The following CLIC4 variants were observed in gnomAD, a reference collection of about 807,000 sequenced individuals.
The protein encoded by CLIC4 is CLIC family member 4.
In CLIC4, 13 loss-of-function variants were observed where a neutral mutation model predicts 24.6. That is an observed-to-expected ratio of 0.53 (90% CI 0.34 to 0.84). The LOEUF (loss-of-function observed/expected upper bound fraction) is 0.84, where lower values mean the gene tolerates loss of function less well. Among genes scored for constraint, CLIC4 ranks in the 40% least tolerant of loss-of-function variants. The pLI is 0.01. For synonymous variants in CLIC4, 104 were observed against 111.3 expected (o/e 0.93, Z 0.41); for missense variants, 227 against 301.7 (o/e 0.75, Z 1.83).
At chr1:24,769,448 G>C (rs1214288378) in intron 1 of CLIC4, among the ~76,000 whole-genome samples, 1 of 152,190 alleles carries the variant, frequency 6.6e-6, no homozygotes, top group Non-Finnish European at 1.5e-5. Flanking sequence ...ATGAGAATTA[G>C]AGAGATCATT....
intron 1 of CLIC4, chr1:24,777,852 A>G (rs1416717447): frequency 6.6e-6 from 1 of 152,206 alleles, no homozygotes; most frequent in African/African-American, 2.4e-5. Context: ...ATTTAATCAC[A>G]CTTGTTTCTT....
intron 1 of CLIC4, among the ~76,000 whole-genome samples, chr1:24,772,067 G>A (rs2124102562): frequency 6.6e-6 from 1 of 152,248 alleles, no homozygotes; most frequent in Middle Eastern, 3.4e-3. Context: ...AACAAAAATA[G>A]AGCCAATACA....
At chr1:24,746,102 A>G (rs1021132944) in intron 1 of CLIC4, among the ~76,000 whole-genome samples, 6 of 152,132 alleles carry the variant, frequency 3.9e-5, no homozygotes, top group African/African-American at 1.4e-4. Context: ...CGCGTTTTTG[A>G]AAAAGCATTT....
intron 4 of CLIC4, among the ~76,000 whole-genome samples, chr1:24,839,558 C>T (rs1386694387): frequency 2.0e-5 from 3 of 152,202 alleles, no homozygotes; most frequent in Admixed American, 1.3e-4. Context: ...CTCGGCCTCC[C>T]AAAGTGCTGG....
chr1:24,779,650 A>C (rs1317838995), intron 1 of CLIC4, among the ~76,000 whole-genome samples: 1 of 152,098 alleles, frequency 6.6e-6, no homozygotes, highest in Admixed American at 6.6e-5. Context: ...ATCCTCTAGC[A>C]AAGTATAGGC....
At chr1:24,814,770 A>G (rs932920564) in intron 3 of CLIC4, among the ~76,000 whole-genome samples, 7 of 152,274 alleles carry the variant, frequency 4.6e-5, no homozygotes, top group African/African-American at 1.7e-4. Flanking sequence ...ATAGTTACCT[A>G]AATTGCAGAT....
chr1:24,748,866 C>T (rs748781133), intron 1 of CLIC4, among the ~76,000 whole-genome samples: 8 of 152,038 alleles, frequency 5.3e-5, no homozygotes, highest in Non-Finnish European at 1.0e-4. Flanking sequence ...TTCTTGATCT[C>T]TTCTCAAAAC....
chr1:24,757,194 C>T (rs1638863608), intron 1 of CLIC4, among the ~76,000 whole-genome samples: 1 of 152,072 alleles, frequency 6.6e-6, no homozygotes, highest in Non-Finnish European at 1.5e-5. Context: ...CACGCCTGGC[C>T]TAGTTTTTGT....
At chr1:24,784,054 G>A (rs1393816794) in intron 1 of CLIC4, among the ~76,000 whole-genome samples, 1 of 127,192 alleles carries the variant, frequency 7.9e-6, no homozygotes, top group Non-Finnish European at 1.7e-5. Flanking sequence ...CCCAGATTTT[G>A]TTTATCTTCA....
chr1:24,809,422 C>G (rs1369740228), intron 2 of CLIC4, among the ~76,000 whole-genome samples: 1 of 152,092 alleles, frequency 6.6e-6, no homozygotes, highest in Admixed American at 6.6e-5. Context: ...TTTGATTCCC[C>G]TCTATCTTGA....
At chr1:24,824,275 C>CT (rs1009077805) in intron 3 of CLIC4, among the ~76,000 whole-genome samples, 21 of 148,406 alleles carry the variant, frequency 1.4e-4, no homozygotes, top group Admixed American at 2.0e-4. Flanking sequence ...TTTGTCAATA[C>CT]TTTTTTTTTT....
intron 2 of CLIC4, among the ~76,000 whole-genome samples, chr1:24,805,099 A>AAC (rs1401068923): frequency 2.1e-5 from 3 of 144,490 alleles, no homozygotes; most frequent in East Asian, 2.0e-4. Flanking sequence ...AAAAAAAAAA[A>AAC]AAAAAACACA....
At chr1:24,751,473 TAG>T (rs1320025174) in intron 1 of CLIC4, among the ~76,000 whole-genome samples, 2 of 95,798 alleles carry the variant, frequency 2.1e-5, no homozygotes, top group East Asian at 2.5e-4. Context: ...ACTCCTGACC[TAG>T]TGATCCACCC....
chr1:24,822,639 ACTT>A (rs1639747185), intron 3 of CLIC4, among the ~76,000 whole-genome samples: 1 of 152,062 alleles, frequency 6.6e-6, no homozygotes. Context: ...GCCTGCCCTT[ACTT>A]AATTCAGTGA....
intron 4 of CLIC4, among the ~76,000 whole-genome samples, chr1:24,839,336 T>G (rs970234995): frequency 4.6e-5 from 7 of 152,258 alleles, no homozygotes; most frequent in African/African-American, 1.4e-4. Flanking sequence ...GTCTCGCTCT[T>G]TCGCCCAGGC....
intron 1 of CLIC4, among the ~76,000 whole-genome samples, chr1:24,791,985 G>A (rs777611994): frequency 2.0e-5 from 3 of 150,076 alleles, no homozygotes; most frequent in Non-Finnish European, 4.4e-5. Flanking sequence ...GGAGGTAGAG[G>A]TTGCAATGAG....
At chr1:24,818,351 A>G (rs1346523040) in intron 3 of CLIC4, among the ~76,000 whole-genome samples, 3 of 152,078 alleles carry the variant, frequency 2.0e-5, no homozygotes, top group South Asian at 2.1e-4. Flanking sequence ...CAGTGGCACA[A>G]TCTTGGCTCA....
chr1:24,796,740 T>G (rs1639407861), intron 1 of CLIC4, among the ~76,000 whole-genome samples: 1 of 152,014 alleles, frequency 6.6e-6, no homozygotes, highest in Non-Finnish European at 1.5e-5. Flanking sequence ...TCAGAATGTG[T>G]CCCTGTCAGT....
intron 3 of CLIC4, among the ~76,000 whole-genome samples, chr1:24,821,788 T>C (rs912423076): frequency 1.3e-5 from 2 of 152,156 alleles, no homozygotes; most frequent in Admixed American, 1.3e-4. Context: ...CTCGCCGTGT[T>C]ACCCAAGCTG....
Sources: allele counts gnomAD v4.1 joint callset (sites outside exome capture counted in the v4.1 genomes callset), GRCh38; gene constraint gnomAD v4.1.1; transcripts MANE v1.5; gene names NCBI Gene and HGNC (gene_info 2026-07-23, HGNC 2026-07-21).